The following BACH2 variants were observed in gnomAD, a reference collection of about 807,000 sequenced individuals.
BACH2 encodes the protein BACH transcriptional regulator 2, also known as transcription regulator protein BACH2.
A neutral mutation model predicts 61.8 loss-of-function variants in BACH2; 5 were observed. The ratio of observed to expected loss-of-function variants is 0.08; its 90% CI spans 0.04 to 0.17. The LOEUF is 0.17. BACH2 is among the 10% of genes least tolerant of loss of function. The pLI is 1.00. For synonymous variants in BACH2, 446 were observed against 440.1 expected, an observed-to-expected ratio of 1.01 and a Z score of -0.17; for missense variants, 824 against 1,091.1, an observed-to-expected ratio of 0.76 and a Z score of 3.45.
intron 1 of BACH2, among the ~76,000 whole-genome samples, chr6:90,294,684 G>A (rs1007716113): frequency 6.6e-6 from 1 of 152,082 alleles, no homozygotes; most frequent in African/African-American, 2.4e-5. Flanking sequence ...CCGTTTACTC[G>A]GGAGGTGCCC....
At chr6:90,147,126 T>C (rs1158677348) in intron 4 of BACH2, among the ~76,000 whole-genome samples, 2 of 152,142 alleles carry the variant, frequency 1.3e-5, no homozygotes, top group Non-Finnish European at 2.9e-5. Context: ...ACTTGCTATA[T>C]GCAATATTTA....
At chr6:90,263,597 T>C (rs1298932377) in intron 2 of BACH2, among the ~76,000 whole-genome samples, 1 of 152,210 alleles carries the variant, frequency 6.6e-6, no homozygotes, top group Non-Finnish European at 1.5e-5. Flanking sequence ...GTTCCTGCTG[T>C]TCAGCCTTTA....
At chr6:89,945,569 TG>T (rs1671830740) in intron 7 of BACH2, among the ~76,000 whole-genome samples, 3 of 152,202 alleles carry the variant, frequency 2.0e-5, no homozygotes, top group Non-Finnish European at 4.4e-5. Context: ...GAGGAGTAAC[TG>T]CTAATAGGTA....
At chr6:90,122,867 T>G (rs1783688390) in intron 4 of BACH2, among the ~76,000 whole-genome samples, 3 of 152,316 alleles carry the variant, frequency 2.0e-5, no homozygotes, top group Middle Eastern at 3.4e-3. Flanking sequence ...ATTTTTTTCA[T>G]GGGAGACCTT....
intron 5 of BACH2, among the ~76,000 whole-genome samples, chr6:90,051,962 A>G (rs9451331): frequency 0.024 from 3,714 of 152,258 alleles, 165 homozygotes; most frequent in African/African-American, 0.084. Context: ...TTATTTTAAA[A>G]TGTTAAAAAA....
intron 5 of BACH2, among the ~76,000 whole-genome samples, chr6:90,044,651 A>G (rs192213718): frequency 5.3e-5 from 8 of 152,300 alleles, no homozygotes; most frequent in Admixed American, 3.9e-4. Flanking sequence ...ATGATGATGG[A>G]CTGAACTATG....
At chr6:90,066,683 G>A (rs1228943942) in intron 5 of BACH2, among the ~76,000 whole-genome samples, 4 of 152,188 alleles carry the variant, frequency 2.6e-5, no homozygotes, top group Non-Finnish European at 5.9e-5. Context: ...TGAGTACAAG[G>A]TATTATTAAG....
chr6:90,047,484 A>G (rs1441987404), intron 5 of BACH2, among the ~76,000 whole-genome samples: 1 of 152,162 alleles, frequency 6.6e-6, no homozygotes, highest in African/African-American at 2.4e-5. Flanking sequence ...CTTGGATGTC[A>G]GTGCTCTTCT....
Position 89,927,056 on chromosome 6 carries a change from C to G in BACH2, c.*5352G>C, listed in dbSNP as rs1199598886. On this transcript the variant is annotated 3_prime_UTR_variant, in exon 9 of 9. Transcript: ENST00000257749. ...TGAGAAGACCCTGTTTTGAATATGGCCTCTGGAGTTTGTAAGGCATATATT... is the reference window on the plus strand; with the variant it reads ...TGAGAAGACCCTGTTTTGAATATGGGCTCTGGAGTTTGTAAGGCATATATT... 6.5e-6 allele frequency: 1 copy of G among 152,718 alleles called. No individual in the cohort carries two copies. Among genetic ancestry groups the G allele is most frequent in the African/African-American group, 2.4e-5 (1 of 41,420 alleles). The allele number at this position is 152,718 out of a possible 1,614,324, so 9.5% of individuals were successfully genotyped here. A position where few individuals can be genotyped will look rare whatever the true frequency, so the allele number is the denominator to read the frequency against.
intron 4 of BACH2, among the ~76,000 whole-genome samples, chr6:90,186,422 CA>C (rs1480056165): frequency 6.6e-6 from 1 of 152,144 alleles, no homozygotes; most frequent in Admixed American, 6.5e-5. Context: ...CTTTTGAAGT[CA>C]CTCTCAAGAT....
chr6:89,932,811 C>T lies in BACH2; in HGVS notation c.2123G>A (p.Cys708Tyr). Residue 708 changes from cysteine to tyrosine, a missense_variant, in exon 9 of 9, where the codon TGC becomes TAC. By Grantham distance (194) the Cys-to-Tyr change is radical (BLOSUM62 -2). Around this residue, in one of 8 missense-constraint regions of BACH2, gnomAD observed 160 missense variants for 283.5 expected, o/e 0.56. Transcript: ENST00000257749. The stretch of plus-strand genomic sequence containing the variant: ...GTCTCGGCAAACTTCCTGGGAAAGG[C>T]AGGAGAAGTTGTCCAACAGTTCCCC... ...CMGELLDNFSCLSQEVCRDIQ... is the reference protein window; with the variant it reads ...CMGELLDNFSYLSQEVCRDIQ... The T allele has an allele frequency of 6.2e-7, 1 of 1,613,384 alleles. No homozygotes were observed. The highest frequency in any genetic ancestry group is 8.5e-7 in the Non-Finnish European group (1 of 1,179,396).
chr6:90,064,043 C>T lies in BACH2; in HGVS notation c.-13+24918G>A, dbSNP rs139329571. Among the ~76,000 whole-genome samples, 52 of 152,050 alleles carry T rather than the reference C, an allele frequency of 3.4e-4. 1 individual carries two copies. The highest frequency in any genetic ancestry group is 3.4e-3 in the Middle Eastern group (1 of 294). On this transcript the variant is annotated intron_variant, in intron 5 of 8. Coordinates refer to ENST00000257749, the MANE Select transcript of BACH2 (RefSeq NM_021813.4). ...AAATATCAGTTATTTATTCATAAAA[C>T]GAAATTTTACCAAAAGTCTCCCTTA... is the stretch of plus-strand genomic sequence containing the variant.
chr6:90,212,353 C>A (rs1243919504), intron 3 of BACH2, among the ~76,000 whole-genome samples: 1 of 152,166 alleles, frequency 6.6e-6, no homozygotes, highest in Non-Finnish European at 1.5e-5. Flanking sequence ...TGGCTCATTC[C>A]CTGCTTCCTA....
In BACH2 at chr6:89,959,097, G is replaced by GCACACACACACA. The variant is rs60175244; in HGVS notation, c.244-7247_244-7236dup. ...GTCAATAACACATGCATGCACAAGT[G>GCACACACACACA]CACACACACACACACACACACACAC... On this transcript the variant is annotated intron_variant, in intron 6 of 8. Transcript: ENST00000257749. Among the ~76,000 whole-genome samples, 385 of 134,432 alleles carry GCACACACACACA rather than the reference G, an allele frequency of 2.9e-3. 2 individuals are homozygous for GCACACACACACA. The highest frequency in any genetic ancestry group is 9.8e-3 in the East Asian group (42 of 4,286). The allele number at this position is 134,432 out of a possible 152,430, so 88.2% of individuals were successfully genotyped here. A position where few individuals can be genotyped will look rare whatever the true frequency, so the allele number is the denominator to read the frequency against.
chr6:89,994,450 G>T (rs1386912761), intron 6 of BACH2, among the ~76,000 whole-genome samples: 1 of 152,206 alleles, frequency 6.6e-6, no homozygotes, highest in Non-Finnish European at 1.5e-5. Context: ...AAATTAGAAG[G>T]AAATGGAAGA....
At chr6:90,106,139 A>G (rs1782895135) in intron 4 of BACH2, among the ~76,000 whole-genome samples, 2 of 152,244 alleles carry the variant, frequency 1.3e-5, no homozygotes, top group Non-Finnish European at 2.9e-5. Context: ...AGTTTCAAAA[A>G]AGCTAGAACA....
chr6:90,074,665 A>G (rs1056355270), intron 5 of BACH2, among the ~76,000 whole-genome samples: 44 of 152,208 alleles, frequency 2.9e-4, no homozygotes, highest in Non-Finnish European at 5.9e-5. Flanking sequence ...AAGAGACTCC[A>G]TTCAGAATAT....
At chr6:90,123,296 C>T (rs933164419) in intron 4 of BACH2, among the ~76,000 whole-genome samples, 2 of 152,170 alleles carry the variant, frequency 1.3e-5, no homozygotes, top group African/African-American at 4.8e-5. Flanking sequence ...GAAGCTGGGA[C>T]AGGCAAGGGA....
chr6:89,951,041 G>T lies in BACH2; in HGVS notation c.1065C>A (p.Gly355=), dbSNP rs2128356887. Residue 355 remains glycine (G), a synonymous_variant, in exon 7 of 9, where the codon GGC becomes GGA. Coordinates refer to ENST00000257749, the MANE Select transcript of BACH2 (RefSeq NM_021813.4). This position sits in a 1 kb window ranked among gnomAD's most constrained non-coding sequence, Gnocchi z 6.4. ...FSITKSVELS[G]LPSTSQQHFA... ...AGTGCTGCTGAGATGTACTGGGCAG[G>T]CCAGACAGCTCCACACTTTTCGTTA... 1 of 1,609,838 alleles carries T rather than the reference G, an allele frequency of 6.2e-7. No individual in the cohort carries two copies. The highest frequency in any genetic ancestry group is 8.5e-7 in the Non-Finnish European group (1 of 1,177,944).
Sources: allele counts gnomAD v4.1 joint callset (sites outside exome capture counted in the v4.1 genomes callset), GRCh38; gene constraint gnomAD v4.1.1; regional missense constraint gnomAD v4.1.1; non-coding constraint Gnocchi (gnomAD v3.1); transcripts MANE v1.5; gene names NCBI Gene and HGNC (gene_info 2026-07-23, HGNC 2026-07-21).